Variants in MTNAP1 observed in about 807,000 individuals in gnomAD.
MTNAP1 encodes the protein mitochondrial nucleoid associated protein 1.
chr17:73,239,663 T>C, the MTNAP1 span, among the ~76,000 whole-genome samples: 77,309 of 150,898 alleles, frequency 0.51, 19,815 homozygotes, highest in East Asian at 0.61. Context: ...GGATTACAGG[T>C]GCCTGCCACC....
At chr17:73,240,426 T>C in the MTNAP1 span, among the ~76,000 whole-genome samples, 9,309 of 152,278 alleles carry the variant, frequency 0.061, 399 homozygotes, top group Middle Eastern at 0.088. Context: ...AGAGAGACCC[T>C]AGGATCAGGT....
At chr17:73,236,321 T>G in the MTNAP1 span, 1 of 1,614,146 alleles carries the variant, frequency 6.2e-7, no homozygotes, top group African/African-American at 1.3e-5. Flanking sequence ...TCCCTCATTT[T>G]AAGCCTTAAA....
the MTNAP1 span, among the ~76,000 whole-genome samples, chr17:73,239,954 AG>A: frequency 6.6e-6 from 1 of 152,258 alleles, no homozygotes; most frequent in South Asian, 2.1e-4. Context: ...GACCACAGAT[AG>A]AAGAGTCAGG....
At chr17:73,233,693 G>A in the MTNAP1 span, among the ~76,000 whole-genome samples, 8 of 152,150 alleles carry the variant, frequency 5.3e-5, no homozygotes, top group African/African-American at 1.9e-4. Context: ...GTGAAACCCC[G>A]TCTCTACTAA....
chr17:73,241,159 C>A, the MTNAP1 span, among the ~76,000 whole-genome samples: 5 of 152,058 alleles, frequency 3.3e-5, no homozygotes, highest in African/African-American at 1.2e-4. Context: ...AGCATAAGCC[C>A]TCTTTTTTTT....
the MTNAP1 span, chr17:73,236,163 T>G: frequency 1.2e-6 from 2 of 1,614,040 alleles, no homozygotes; most frequent in Non-Finnish European, 1.7e-6. Flanking sequence ...CTACTGGTGA[T>G]TGTCATATTT....
chr17:73,237,944 A>G, the MTNAP1 span, among the ~76,000 whole-genome samples: 1 of 152,232 alleles, frequency 6.6e-6, no homozygotes, highest in Admixed American at 6.5e-5. Flanking sequence ...TAGGCCACAG[A>G]GACTAGGACC....
the MTNAP1 span, chr17:73,236,171 T>G: frequency 6.2e-7 from 1 of 1,614,144 alleles, no homozygotes; most frequent in Non-Finnish European, 8.5e-7. Flanking sequence ...GATTGTCATA[T>G]TTCTCCAAAG....
the MTNAP1 span, chr17:73,242,175 G>C: frequency 2.0e-6 from 2 of 1,021,542 alleles, no homozygotes; most frequent in Non-Finnish European, 2.9e-6. Context: ...TGGATCCTTC[G>C]GCACTGGATG....
the MTNAP1 span, chr17:73,236,837 G>T: frequency 6.2e-7 from 1 of 1,613,966 alleles, no homozygotes; most frequent in African/African-American, 1.3e-5. Flanking sequence ...GCAGCTGCTG[G>T]CAGGAAGACT....
At chr17:73,240,957 C>T in the MTNAP1 span, among the ~76,000 whole-genome samples, 1 of 152,094 alleles carries the variant, frequency 6.6e-6, no homozygotes, top group Non-Finnish European at 1.5e-5. Flanking sequence ...TGATTCTTTT[C>T]ATTGTTCTTT....
the MTNAP1 span, chr17:73,247,886 TAC>T: frequency 4.2e-4 from 66 of 155,556 alleles, no homozygotes; most frequent in African/African-American, 1.5e-3. Flanking sequence ...TGTAAATGTC[TAC>T]AGAGTAATGG....
At chr17:73,247,356 TAGG>T in the MTNAP1 span, 8 of 1,613,822 alleles carry the variant, frequency 5.0e-6, no homozygotes, top group East Asian at 6.7e-5. Flanking sequence ...CACGTTTAAG[TAGG>T]AGAAGCCTTC....
the MTNAP1 span, among the ~76,000 whole-genome samples, chr17:73,240,828 G>T: frequency 2.0e-5 from 3 of 151,952 alleles, no homozygotes; most frequent in Non-Finnish European, 4.4e-5. Context: ...TTTTCAGGAA[G>T]TTGTCTCTTT....
At chr17:73,242,416 C>CAA in the MTNAP1 span, 5 of 1,144,918 alleles carry the variant, frequency 4.4e-6, no homozygotes, top group South Asian at 7.6e-5. Flanking sequence ...AGTTTCTCTT[C>CAA]GGGCTGTTAA....
At chr17:73,241,925 T>A in the MTNAP1 span, among the ~76,000 whole-genome samples, 1 of 152,020 alleles carries the variant, frequency 6.6e-6, no homozygotes, top group Non-Finnish European at 1.5e-5. Context: ...TGAGACTGTG[T>A]CAAAAACAAA....
chr17:73,248,475 G>A, the MTNAP1 span: 13 of 1,551,126 alleles, frequency 8.4e-6, no homozygotes, highest in South Asian at 1.2e-5. Flanking sequence ...GGAGTGCCCC[G>A]CTAGGTAAGA....
At chr17:73,247,640 A>G in the MTNAP1 span, 1 of 247,294 alleles carries the variant, frequency 4.0e-6, no homozygotes, top group East Asian at 9.3e-5. Flanking sequence ...CATGAGTCCT[A>G]AAAGGATATC....
chr17:73,235,654 CCAAT>C, the MTNAP1 span: 7 of 1,614,046 alleles, frequency 4.3e-6, no homozygotes, highest in Non-Finnish European at 5.9e-6. Context: ...GATGAAAGGA[CCAAT>C]CAAAGATTTA....
Sources: gnomAD v4.1 joint callset for allele counts (sites outside exome capture counted in the v4.1 genomes callset) on GRCh38, gnomAD v4.1.1 for gene constraint, MANE v1.5 for transcripts, NCBI Gene and HGNC (gene_info 2026-07-23, HGNC 2026-07-21) for gene names.